DNM1L: variants seen among roughly 807,000 people sequenced by gnomAD.
The protein encoded by DNM1L is dynamin 1L, also known as dynamin-1-like protein.
DNM1L carries 33 observed loss-of-function variants against 92.8 expected under a neutral mutation model. The observed-to-expected ratio is 0.36, with a 90% CI of 0.27 to 0.48. DNM1L has a LOEUF of 0.48. DNM1L is among the 20% of genes least tolerant of loss of function. The probability of loss-of-function intolerance (pLI) is 0.99; values close to 1 mark genes in which losing one functional copy is unlikely to be tolerated. For missense variants in DNM1L, 485 were observed against 888.8 expected (o/e 0.55, Z 5.78); for synonymous variants, 284 against 305.0 (o/e 0.93, Z 0.72).
chr12:32,692,036 T>C (rs10844300), intron 1 of DNM1L, among the ~76,000 whole-genome samples: 23,387 of 152,004 alleles, frequency 0.15, 1,902 homozygotes, highest in Middle Eastern at 0.21. Context: ...TCACAGTAAA[T>C]GTTACTGCAT....
Position 32,685,219 on chromosome 12 carries a change from G to A in DNM1L, c.102+5754G>A, listed in dbSNP as rs189163414. On this transcript the variant is annotated intron_variant, in intron 1 of 19. Coordinates refer to ENST00000549701, the MANE Select transcript of DNM1L (RefSeq NM_012062.5). ...CCCAAAGTGCTGGGATTACAGGCGT[G>A]AGCCACCGCGCCCGGTCAGTGAATG... 2.1e-3 allele frequency among the ~76,000 whole-genome samples: 318 copies of A among 152,060 alleles called. 1 individual carries two copies. Among genetic ancestry groups the A allele is most frequent in the Middle Eastern group, 0.021 (6 of 292 alleles).
intron 6 of DNM1L, among the ~76,000 whole-genome samples, chr12:32,714,727 C>T (rs1170910805): frequency 5.9e-5 from 9 of 151,558 alleles, no homozygotes; most frequent in Non-Finnish European, 7.4e-5. Context: ...GGCTCATGCC[C>T]GTAATACCAA....
intron 9 of DNM1L, among the ~76,000 whole-genome samples, chr12:32,723,667 C>T (rs1953913463): frequency 7.1e-6 from 1 of 141,604 alleles, no homozygotes; most frequent in African/African-American, 2.6e-5. Flanking sequence ...GCACTCCAGC[C>T]TGGGCAACAG....
intron 1 of DNM1L, among the ~76,000 whole-genome samples, chr12:32,694,497 C>T (rs868246086): frequency 4.6e-5 from 7 of 152,140 alleles, no homozygotes; most frequent in East Asian, 1.9e-4. Context: ...GAGCGTGCAT[C>T]GGTACCTTAT....
At chr12:32,712,274 CT>C (rs970606813) in intron 5 of DNM1L, among the ~76,000 whole-genome samples, 7 of 152,106 alleles carry the variant, frequency 4.6e-5, no homozygotes, top group African/African-American at 1.4e-4. Context: ...TCTAAAATAT[CT>C]ACTTGTTACG....
chr12:32,682,469 C>T (rs11052168), intron 1 of DNM1L, among the ~76,000 whole-genome samples: 23,596 of 152,100 alleles, frequency 0.16, 1,931 homozygotes, highest in African/African-American at 0.21. Flanking sequence ...TGGATCCTGT[C>T]TCCAGAGATT....
chr12:32,701,538 C>T lies in DNM1L; in HGVS notation c.226C>T (p.Arg76Trp), dbSNP rs918224990. 25 of 1,613,366 alleles carry T rather than the reference C, an allele frequency of 1.5e-5. No individual in the cohort carries two copies. The highest frequency in any genetic ancestry group is 6.6e-5 in the South Asian group (6 of 91,070). The change falls in exon 2 of 20, where the codon CGG (arginine) becomes TGG (tryptophan). Residue 76 changes from arginine to tryptophan, a missense_variant. Around this residue, in one of 11 missense-constraint regions of DNM1L, gnomAD observed 159 missense variants for 275.9 expected, o/e 0.58. Coordinates refer to ENST00000549701, the MANE Select transcript of DNM1L (RefSeq NM_012062.5). ...QLVHVSQEDK[R>W]KTTGEENGVE... ...GGTCCATGTTTCACAAGAAGATAAA[C>T]GGAAAACAACAGGAGAAGAAAATGG...
intron 1 of DNM1L, among the ~76,000 whole-genome samples, chr12:32,691,539 G>T (rs547473697): frequency 6.6e-6 from 1 of 152,100 alleles, no homozygotes; most frequent in South Asian, 2.1e-4. Context: ...CACCGTGCCC[G>T]GCTGGACTTG....
At chr12:32,739,959 A>T in intron 16 of DNM1L, 105 bp from the exon 17 acceptor site, 1 of 1,441,986 alleles carries the variant, frequency 6.9e-7, no homozygotes, top group Non-Finnish European at 9.6e-7. Context: ...AATAAACTTC[A>T]GATGGGTACT....
chr12:32,738,345 T>G, intron 16 of DNM1L, 49 bp downstream of exon 16: 4 of 1,597,098 alleles, frequency 2.5e-6, no homozygotes, highest in Admixed American at 1.7e-5. Context: ...TGGTTCTCAC[T>G]GAAACACTGT....
chr12:32,720,670 G>C lies in DNM1L; in HGVS notation c.747G>C (p.Gln249His), dbSNP rs2137435217. Residue 249 changes from glutamine to histidine, a missense_variant, in exon 8 of 20, where the codon CAG becomes CAC. Gln to His is a conservative substitution (Grantham distance 24). Around this residue, in one of 11 missense-constraint regions of DNM1L, gnomAD observed 159 missense variants for 275.9 expected, o/e 0.58. Transcript: ENST00000549701. ...LGIIGVVNRSQLDINNKKSVT... is the reference protein window; with the variant it reads ...LGIIGVVNRSHLDINNKKSVT... Reference sequence around the variant, plus strand: ...GTTATTTTTTCAACCTCAGGAGCCAGCTAGATATTAACAACAAGAAGAGTG... The same window carrying C: ...GTTATTTTTTCAACCTCAGGAGCCACCTAGATATTAACAACAAGAAGAGTG... The C allele has an allele frequency of 6.2e-7, 1 of 1,613,814 alleles. No homozygotes were observed. Among genetic ancestry groups the C allele is most frequent in the South Asian group, 1.1e-5 (1 of 91,076 alleles).
chr12:32,717,080 T>G (rs955675585), intron 6 of DNM1L, among the ~76,000 whole-genome samples: 2 of 131,922 alleles, frequency 1.5e-5, no homozygotes, highest in Admixed American at 9.0e-5. Context: ...TAGGTATATA[T>G]ATATATTTTA....
intron 5 of DNM1L, 90 bp from the exon 6 acceptor site, chr12:32,713,119 G>C (rs1280084466): frequency 1.4e-5 from 18 of 1,268,724 alleles, no homozygotes; most frequent in Non-Finnish European, 2.0e-5. Flanking sequence ...TTTTTAAATG[G>C]ATATACCTAT....
rs1470247872 is a variant in DNM1L at position 32,690,610 on chromosome 12, A to G, written c.103-10805A>G. Among the ~76,000 whole-genome samples, 3 of 152,344 alleles carry G rather than the reference A, an allele frequency of 2.0e-5. No homozygotes were observed. The East Asian group carries it at 5.8e-4, about 29-fold the overall frequency. The stretch of plus-strand genomic sequence containing the variant: ...AATTCATCCCTGTTACTTGTTACCT[A>G]ATTATATCTGGGCAAGTTACATAAT... On this transcript the variant is annotated intron_variant, in intron 1 of 19. Transcript: ENST00000549701.
Position 32,679,455 on chromosome 12 carries a change from TG to T in DNM1L, c.95del (p.Gly32GlufsTer11). On this transcript the variant is annotated frameshift_variant, in exon 1 of 20. Coordinates refer to ENST00000549701, the MANE Select transcript of DNM1L (RefSeq NM_012062.5). LOFTEE classifies it high-confidence loss of function. Reference protein sequence around the residue: ...DIIQLPQIVVVGTQSSGKSSV... With the variant: ...DIIQLPQIVVXGTQSSGKSSV... ...ATCCAGCTGCCTCAAATCGTCGTAG[TG>T]GGAACGCAGGTGAGAGCAGCAGGCG... The T allele has an allele frequency of 6.2e-7, 1 of 1,612,512 alleles. No individual in the cohort carries two copies. The highest frequency in any genetic ancestry group is 8.5e-7 in the Non-Finnish European group (1 of 1,179,692).
chr12:32,690,882 T>C (rs1952201007), intron 1 of DNM1L, among the ~76,000 whole-genome samples: 1 of 152,220 alleles, frequency 6.6e-6, no homozygotes, highest in African/African-American at 2.4e-5. Context: ...TCTGATGGCA[T>C]TAAAAAAATC....
At chr12:32,717,958 A>G (rs1051234479) in intron 6 of DNM1L, among the ~76,000 whole-genome samples, 1 of 107,766 alleles carries the variant, frequency 9.3e-6, no homozygotes, top group Non-Finnish European at 1.7e-5. Flanking sequence ...TAGTATATAT[A>G]GTATATATAT....
At chr12:32,730,948 A>G (rs765547825) in intron 9 of DNM1L, 66 bp from the exon 10 acceptor site, 202 of 1,606,674 alleles carry the variant, frequency 1.3e-4, no homozygotes, top group Non-Finnish European at 1.6e-4. Context: ...TTCTAGAAAG[A>G]CTTCTAACTT....
intron 1 of DNM1L, among the ~76,000 whole-genome samples, chr12:32,696,398 A>T (rs143898561): frequency 0.15 from 22,842 of 150,728 alleles, 1,824 homozygotes; most frequent in African/African-American, 0.2. Flanking sequence ...ACACACACAC[A>T]CACACACACA....
Sources: allele counts gnomAD v4.1 joint callset (sites outside exome capture counted in the v4.1 genomes callset), GRCh38; gene constraint gnomAD v4.1.1; regional missense constraint gnomAD v4.1.1; transcripts MANE v1.5; gene names NCBI Gene and HGNC (gene_info 2026-07-23, HGNC 2026-07-21).